Variants in VAV3 observed in about 807,000 individuals in gnomAD.
The protein encoded by VAV3 is vav guanine nucleotide exchange factor 3.
In VAV3, 94 loss-of-function variants were observed where a neutral mutation model predicts 131.2. The ratio of observed to expected loss-of-function variants is 0.72; its 90% CI spans 0.61 to 0.85. The LOEUF is 0.85. Among genes scored for constraint, VAV3 ranks in the 40% least tolerant of loss-of-function variants. VAV3 has a pLI of 0.00. For synonymous variants in VAV3, 349 were observed against 342.0 expected (o/e 1.02, Z -0.22); for missense variants, 939 against 1,002.7 (o/e 0.94, Z 0.86).
At chr1:107,947,375 C>T (rs867429771) in intron 1 of VAV3, among the ~76,000 whole-genome samples, 3 of 133,654 alleles carry the variant, frequency 2.2e-5, no homozygotes, top group African/African-American at 5.5e-5. Context: ...CATAGACAAG[C>T]GAAGTTATAG....
intron 19 of VAV3, among the ~76,000 whole-genome samples, chr1:107,654,418 T>G (rs573053934): frequency 6.6e-6 from 1 of 152,150 alleles, no homozygotes; most frequent in African/African-American, 2.4e-5. Flanking sequence ...ATAAATTAAT[T>G]GGGAATACTA....
intron 9 of VAV3, among the ~76,000 whole-genome samples, chr1:107,761,556 A>G (rs752133571): frequency 1.3e-5 from 2 of 152,134 alleles, no homozygotes; most frequent in African/African-American, 2.4e-5. Flanking sequence ...CTACTCATCA[A>G]AAGTGTCAAT....
chr1:107,958,150 G>A (rs1186555299), intron 1 of VAV3, among the ~76,000 whole-genome samples: 1 of 152,186 alleles, frequency 6.6e-6, no homozygotes, highest in Non-Finnish European at 1.5e-5. Context: ...TGGCAAAGAG[G>A]TTAATGACTT....
chr1:107,826,674 C>G (rs1221503922), intron 2 of VAV3, among the ~76,000 whole-genome samples: 1 of 152,128 alleles, frequency 6.6e-6, no homozygotes, highest in Non-Finnish European at 1.5e-5. Context: ...TCATGATACT[C>G]AACAGACAGG....
intron 15 of VAV3, among the ~76,000 whole-genome samples, chr1:107,706,341 A>C (rs1660451187): frequency 6.6e-6 from 1 of 152,210 alleles, no homozygotes; most frequent in Non-Finnish European, 1.5e-5. Flanking sequence ...AAACATTCGC[A>C]AAGGCAATTG....
chr1:107,706,676 G>C (rs1660473243), intron 15 of VAV3, among the ~76,000 whole-genome samples: 1 of 152,152 alleles, frequency 6.6e-6, no homozygotes, highest in South Asian at 2.1e-4. Flanking sequence ...ATAAAGCCAT[G>C]CATTGAAAAC....
chr1:107,919,110 A>G (rs1044378234), intron 1 of VAV3, among the ~76,000 whole-genome samples: 4 of 152,226 alleles, frequency 2.6e-5, no homozygotes, highest in African/African-American at 9.6e-5. Flanking sequence ...TTAAAAAACA[A>G]ATCAATGACT....
At chr1:107,900,272 A>G (rs1307449352) in intron 1 of VAV3, among the ~76,000 whole-genome samples, 1 of 152,322 alleles carries the variant, frequency 6.6e-6, no homozygotes, top group East Asian at 1.9e-4. Flanking sequence ...GCCGCAAAGT[A>G]TATCCATAGT....
chr1:107,906,769 A>G (rs915143624), intron 1 of VAV3, among the ~76,000 whole-genome samples: 7 of 152,200 alleles, frequency 4.6e-5, no homozygotes, highest in Non-Finnish European at 1.0e-4. Context: ...TTATGATCAC[A>G]ATAGAATGGA....
intron 15 of VAV3, among the ~76,000 whole-genome samples, chr1:107,728,320 C>T (rs1661977430): frequency 3.3e-5 from 5 of 152,060 alleles, no homozygotes; most frequent in Admixed American, 3.3e-4. Context: ...GGACCTGGTT[C>T]CTTTAATAGT....
chr1:107,766,117 G>A (rs961937508), intron 8 of VAV3, among the ~76,000 whole-genome samples: 8 of 152,090 alleles, frequency 5.3e-5, no homozygotes, highest in African/African-American at 1.9e-4. Context: ...GGGACACAGA[G>A]GCTCAGAGAG....
intron 2 of VAV3, among the ~76,000 whole-genome samples, chr1:107,785,090 T>C (rs1469876060): frequency 6.6e-6 from 1 of 152,236 alleles, no homozygotes; most frequent in Non-Finnish European, 1.5e-5. Flanking sequence ...TATTGTACAC[T>C]GATAAAACTA....
chr1:107,764,761 C>A (rs535197012), intron 9 of VAV3, among the ~76,000 whole-genome samples: 2 of 152,104 alleles, frequency 1.3e-5, no homozygotes, highest in Non-Finnish European at 2.9e-5. Context: ...TTACTATCTA[C>A]GCAAGTTATT....
intron 19 of VAV3, chr1:107,669,494 T>C (rs1174224954): frequency 1.6e-6 from 2 of 1,279,476 alleles, no homozygotes; most frequent in Non-Finnish European, 2.0e-6. Context: ...AAGAAAGAAA[T>C]AAACACATTT....
At chr1:107,599,653 C>G (rs1253565616) in intron 24 of VAV3, among the ~76,000 whole-genome samples, 1 of 151,924 alleles carries the variant, frequency 6.6e-6, no homozygotes, top group Non-Finnish European at 1.5e-5. Flanking sequence ...ATTAACCAAG[C>G]TATTGAAACT....
Position 107,704,658 on chromosome 1 carries a change from G to T in VAV3, c.1605-8C>A. 6.2e-7 allele frequency: 1 copy of T among 1,606,236 alleles called. No homozygotes were observed. The highest frequency in any genetic ancestry group is 8.5e-7 in the Non-Finnish European group (1 of 1,174,282). ...CCTTGATAAAATGTTCCCCTGAAAG[G>T]TGAAATAAGAAAGTGGTATATTAAA... On this transcript the variant is annotated splice_region_variant and splice_polypyrimidine_tract_variant and intron_variant, in intron 16 of 26. Coordinates refer to ENST00000370056, the MANE Select transcript of VAV3 (RefSeq NM_006113.5).
At chr1:107,818,894 A>AT (rs1667671942) in intron 2 of VAV3, among the ~76,000 whole-genome samples, 1 of 152,186 alleles carries the variant, frequency 6.6e-6, no homozygotes, top group Non-Finnish European at 1.5e-5. Flanking sequence ...GGCCTCACTC[A>AT]ATTGCCTGAC....
At chr1:107,957,339 T>C (rs1386389160) in intron 1 of VAV3, among the ~76,000 whole-genome samples, 2 of 152,232 alleles carry the variant, frequency 1.3e-5, no homozygotes, top group Non-Finnish European at 2.9e-5. Context: ...TTCTGTTGAA[T>C]GACTTCAGTA....
At chr1:107,617,480 G>A in intron 21 of VAV3, 87 bp downstream of exon 21, 1 of 1,093,660 alleles carries the variant, frequency 9.1e-7, no homozygotes, top group East Asian at 2.4e-5. Context: ...AACTGACCTG[G>A]CCAGTATCCT....
Sources: gnomAD v4.1 joint callset for allele counts (sites outside exome capture counted in the v4.1 genomes callset) on GRCh38, gnomAD v4.1.1 for gene constraint, MANE v1.5 for transcripts, NCBI Gene and HGNC (gene_info 2026-07-23, HGNC 2026-07-21) for gene names.